FGFRL1: variants seen among roughly 807,000 people sequenced by gnomAD.
FGFRL1 encodes the protein fibroblast growth factor receptor-like 1.
Under a neutral mutation model 36.8 loss-of-function variants are expected in FGFRL1, and 24 were observed. The ratio of observed to expected loss-of-function variants is 0.65; its 90% CI spans 0.47 to 0.92. FGFRL1 has a LOEUF of 0.92. FGFRL1 is among the 40% of genes least tolerant of loss of function. The pLI is 0.00. For missense variants in FGFRL1, 785 were observed against 753.4 expected, an observed-to-expected ratio of 1.04 and a Z score of -0.49; for synonymous variants, 422 against 344.1, an observed-to-expected ratio of 1.23 and a Z score of -2.50.
chr4:1,010,913 C>G (rs1468909339), upstream of FGFRL1: 2 of 152,264 alleles, frequency 1.3e-5, no homozygotes, highest in African/African-American at 4.8e-5. Context: ...TCTTGTCATT[C>G]CCGTCACTAG....
intron 2 of FGFRL1, among the ~76,000 whole-genome samples, chr4:1,015,941 C>T (rs1467236357): frequency 6.6e-6 from 1 of 152,232 alleles, no homozygotes; most frequent in Non-Finnish European, 1.5e-5. Flanking sequence ...ACCAGGGTGC[C>T]TGACGCAGGC....
rs746360727 is a variant in FGFRL1 at position 1,025,097 on chromosome 4, C to A, written c.1265C>A (p.Thr422Lys). The A allele has an allele frequency of 5.6e-6, 9 of 1,610,374 alleles. No individual in the cohort carries two copies. The highest frequency in any genetic ancestry group is 8.5e-7 in the Non-Finnish European group (1 of 1,178,798). Residue 422 changes from threonine (T) to lysine (K), a missense_variant, in exon 7 of 7, where the codon ACG becomes AAG. Transcript: ENST00000510644. ...PPLPGHRPPG[T>K]ARDRSGDKDL... Reference sequence around the variant, plus strand: ...CTGCCTGGGCACCGCCCGCCGGGGACGGCCCGCGACCGCAGCGGAGACAAG... The same window carrying A: ...CTGCCTGGGCACCGCCCGCCGGGGAAGGCCCGCGACCGCAGCGGAGACAAG...
At position 1,023,166 on chromosome 4, in the gene FGFRL1, A is replaced by T. The variant is rs997047570; in HGVS notation, c.353-475A>T. Among the ~76,000 whole-genome samples the T allele has an allele frequency of 6.6e-5, 10 of 152,066 alleles. No individual in the cohort carries two copies. The highest frequency in any genetic ancestry group is 1.3e-4 in the Non-Finnish European group (9 of 67,980). Reference sequence around the variant, plus strand: ...TGAAGGAGCGGCTGTCACAGGGTGGATGGAGGGGACATTCCACAGCACGCC... The same window carrying T: ...TGAAGGAGCGGCTGTCACAGGGTGGTTGGAGGGGACATTCCACAGCACGCC... On this transcript the variant is annotated intron_variant, in intron 3 of 6. Coordinates refer to ENST00000510644, the MANE Select transcript of FGFRL1 (RefSeq NM_001004356.3). The surrounding 1 kb of genome is among the most constrained non-coding windows in gnomAD (Gnocchi z 6.0).
rs748588827 is a variant in FGFRL1, at chr4:1,025,196, C to T, written c.1364C>T (p.Ala455Val). The change falls in exon 7 of 7, where the codon GCC becomes GTC. Residue 455 changes from alanine to valine, a missense_variant. Coordinates refer to ENST00000510644, the MANE Select transcript of FGFRL1 (RefSeq NM_001004356.3). ...TGTGAGGAGCATGGGTCTCCGGCAG[C>T]CCCCCAGCACTTACTGGGCCCAGGC... ...GLCEEHGSPA[A>V]PQHLLGPGPV... 6 of 1,610,328 alleles carry T rather than the reference C, an allele frequency of 3.7e-6. No homozygotes were observed. Among genetic ancestry groups the T allele is most frequent in the African/African-American group, 1.3e-5 (1 of 74,890 alleles).
chr4:1,020,371 G>C (rs1186812413), intron 2 of FGFRL1, among the ~76,000 whole-genome samples: 1 of 152,030 alleles, frequency 6.6e-6, no homozygotes. Context: ...GCAGTGAGTG[G>C]GCTGTGGTCG....
intron 2 of FGFRL1, among the ~76,000 whole-genome samples, chr4:1,014,627 G>T (rs1434995521): frequency 8.4e-6 from 1 of 118,522 alleles, no homozygotes; most frequent in Non-Finnish European, 1.9e-5. Context: ...GAGTCTGAAG[G>T]GTTGTGATTC....
upstream of FGFRL1, chr4:1,011,242 GGTCGCGGAGGT>G (rs1165843393): frequency 2.0e-5 from 3 of 152,340 alleles, no homozygotes; most frequent in Non-Finnish European, 4.4e-5. Flanking sequence ...CTGCTCTGGG[GGTCGCGGAGGT>G]GTCTCGAGAG....
chr4:1,024,740 G>A lies in FGFRL1; in HGVS notation c.1072+76G>A. 2.7e-6 allele frequency: 4 copies of A among 1,480,584 alleles called. No individual in the cohort carries two copies. In the South Asian group the frequency reaches 5.2e-5, roughly 19 times the overall value. The allele number at this position is 1,480,584 out of a possible 1,614,324, so 91.7% of individuals were successfully genotyped here. On this transcript the variant is annotated intron_variant, in intron 6 of 6. Transcript: ENST00000510644. The stretch of plus-strand genomic sequence containing the variant: ...CCTGGGCCCGGCGTCCCACCCACCG[G>A]GTGGGGCCCCACCCTTCCCTCCCGG...
chr4:1,017,480 C>T (rs558105249), intron 2 of FGFRL1, among the ~76,000 whole-genome samples: 4 of 152,348 alleles, frequency 2.6e-5, no homozygotes, highest in African/African-American at 4.8e-5. Flanking sequence ...CAGCCCCTGC[C>T]GCAGTGAGTG....
intron 3 of FGFRL1, 42 bp downstream of exon 3, chr4:1,022,517 G>T (rs903064466): frequency 1.3e-6 from 2 of 1,553,400 alleles, no homozygotes; most frequent in East Asian, 4.5e-5. Flanking sequence ...CTGGGTTGGA[G>T]CCAGGCAGGG....
At chr4:1,024,834 G>T in intron 6 of FGFRL1, 71 bp from the exon 7 acceptor site, 12 of 1,466,608 alleles carry the variant, frequency 8.2e-6, no homozygotes, top group Non-Finnish European at 1.1e-5. Context: ...CCCCTGGGAT[G>T]GGTCTGGGGT....
chr4:1,015,669 G>A (rs1334886154), intron 2 of FGFRL1, among the ~76,000 whole-genome samples: 1 of 152,242 alleles, frequency 6.6e-6, no homozygotes, highest in Non-Finnish European at 1.5e-5. Context: ...AGGGGCTGAG[G>A]GGTGAACATT....
chr4:1,025,436 G>C lies in FGFRL1; in HGVS notation c.*89G>C, dbSNP rs1716466558. The C allele has an allele frequency of 1.4e-6, 2 of 1,459,920 alleles. No individual in the cohort carries two copies. The highest frequency in any genetic ancestry group is 2.8e-5 in the South Asian group (2 of 71,766). The allele number at this position is 1,459,920 out of a possible 1,614,324, so 90.4% of individuals were successfully genotyped here. On this transcript the variant is annotated 3_prime_UTR_variant, in exon 7 of 7. Transcript: ENST00000510644. Reference sequence around the variant, plus strand: ...GACGGAGCTGCAGACGAAGGCAGGGGACCCATGGCGAGGAGGAATGGCCAG... The same window carrying C: ...GACGGAGCTGCAGACGAAGGCAGGGCACCCATGGCGAGGAGGAATGGCCAG...
In FGFRL1 at chr4:1,022,321, T is replaced by C. The variant is rs201067344; in HGVS notation, c.198T>C (p.Asp66=). The C allele has an allele frequency of 3.1e-6, 5 of 1,600,812 alleles. No homozygotes were observed. In the African/African-American group the frequency reaches 5.3e-5, roughly 17 times the overall value. The change falls in exon 3 of 7, where the codon GAT becomes GAC. Residue 66 remains aspartate (D), a synonymous_variant. Transcript: ENST00000510644. Reference sequence around the variant, plus strand: ...CGCCGCTGACCATGTGGACCAAGGATGGCCGCACCATCCACAGCGGCTGGA... The same window carrying C: ...CGCCGCTGACCATGTGGACCAAGGACGGCCGCACCATCCACAGCGGCTGGA... ...DPPPLTMWTK[D]GRTIHSGWSR...
At position 1,024,915 on chromosome 4, in the gene FGFRL1, G is replaced by C. The variant is rs537262686; in HGVS notation, c.1083G>C (p.Pro361=). 1.9e-6 allele frequency: 3 copies of C among 1,591,488 alleles called. No homozygotes were observed. Among genetic ancestry groups the C allele is most frequent in the Non-Finnish European group, 2.6e-6 (3 of 1,172,306 alleles). ...CTCTCGCTCTTGCAGACCCAAAACC[G>C]CCAGGGCCACCTGTGGCCTCCTCGT... ...AFLTVLPDPK[P]PGPPVASSSS... The change falls in exon 7 of 7, where the codon CCG becomes CCC. Residue 361 remains proline (P), a synonymous_variant. Coordinates refer to ENST00000510644, the MANE Select transcript of FGFRL1 (RefSeq NM_001004356.3).
rs1460444472 is a variant in FGFRL1, at chr4:1,023,743, T to TG, written c.433+28dup. ...TGGGGTGAGCAGGGGGTGACGGGGG[T>TG]GGGGGGCGTCCGTCTGTCCCGGCCC... is the stretch of plus-strand genomic sequence containing the variant. On this transcript the variant is annotated intron_variant, in intron 4 of 6. Coordinates refer to ENST00000510644, the MANE Select transcript of FGFRL1 (RefSeq NM_001004356.3). The surrounding 1 kb of genome is among the most constrained non-coding windows in gnomAD (Gnocchi z 6.0). 4 of 868,292 alleles carry TG rather than the reference T, an allele frequency of 4.6e-6. No homozygotes were observed. The highest frequency in any genetic ancestry group is 2.3e-5 in the Admixed American group (1 of 43,442). The allele number at this position is 868,292 out of a possible 1,614,324, so 53.8% of individuals were successfully genotyped here.
chr4:1,011,545 G>T (rs1715581404), upstream of FGFRL1, among the ~76,000 whole-genome samples: 1 of 145,740 alleles, frequency 6.9e-6, no homozygotes, highest in South Asian at 2.1e-4. Context: ...GGCGGGGCAC[G>T]GGGGAGGGCT....
intron 2 of FGFRL1, among the ~76,000 whole-genome samples, chr4:1,019,307 C>A (rs1206706329): frequency 1.3e-5 from 2 of 152,248 alleles, no homozygotes; most frequent in Admixed American, 6.5e-5. Context: ...TCTCTTGCTT[C>A]TTCTGGACAG....
chr4:1,022,001 T>C (rs3822032), intron 2 of FGFRL1, among the ~76,000 whole-genome samples: 15,684 of 152,264 alleles, frequency 0.1, 1,087 homozygotes, highest in Middle Eastern at 0.21. Flanking sequence ...GCTGGGCCAG[T>C]GCTCAGGGCT....
Sources: gnomAD v4.1 joint callset for allele counts (sites outside exome capture counted in the v4.1 genomes callset) on GRCh38, gnomAD v4.1.1 for gene constraint, Gnocchi (gnomAD v3.1) non-coding constraint, MANE v1.5 for transcripts, NCBI Gene and HGNC (gene_info 2026-07-23, HGNC 2026-07-21) for gene names.